Variants in DFFB observed in about 807,000 individuals in gnomAD.
The protein encoded by DFFB is DNA fragmentation factor 40 kDa subunit.
Under a neutral mutation model 32.7 loss-of-function variants are expected in DFFB, and 29 were observed. The ratio of observed to expected loss-of-function variants is 0.89; its 90% CI spans 0.66 to 1.21. The LOEUF (loss-of-function observed/expected upper bound fraction) is 1.21, where lower values mean the gene tolerates loss of function less well. Among genes scored for constraint, DFFB ranks in the 50% most tolerant of loss-of-function variants. The pLI, the probability that DFFB is intolerant of heterozygous loss-of-function variation, is 0.00. For synonymous variants in DFFB, 170 were observed against 177.1 expected, an observed-to-expected ratio of 0.96 and a Z score of 0.32; for missense variants, 398 against 440.6, an observed-to-expected ratio of 0.90 and a Z score of 0.87.
chr1:3,871,906 G>A (rs1179296494), intron 5 of DFFB, among the ~76,000 whole-genome samples: 1 of 152,122 alleles, frequency 6.6e-6, no homozygotes, highest in Non-Finnish European at 1.5e-5. Flanking sequence ...AGAGATTGAG[G>A]GGAGGGTGCT....
intron 6 of DFFB, among the ~76,000 whole-genome samples, chr1:3,875,356 G>A (rs962220673): frequency 6.6e-6 from 1 of 152,136 alleles, no homozygotes; most frequent in Admixed American, 6.6e-5. Context: ...TGGGGATTGG[G>A]GTGTGCGTCC....
chr1:3,879,446 G>A (rs894784162), intron 6 of DFFB, among the ~76,000 whole-genome samples: 4 of 152,146 alleles, frequency 2.6e-5, no homozygotes, highest in African/African-American at 9.7e-5. Context: ...ACTGCATCAG[G>A]CGATAAGGTC....
At chr1:3,876,810 G>A (rs6679297) in intron 6 of DFFB, among the ~76,000 whole-genome samples, 22,055 of 152,258 alleles carry the variant, frequency 0.14, 1,702 homozygotes, top group South Asian at 0.18. Context: ...CCTGCACAGA[G>A]AGCGTCCAGG....
chr1:3,870,040 TAGTC>T (rs761620882), intron 5 of DFFB, among the ~76,000 whole-genome samples: 1 of 152,194 alleles, frequency 6.6e-6, no homozygotes, highest in African/African-American at 2.4e-5. Context: ...GGCGGTGTCT[TAGTC>T]AGCCCCGGCT....
Position 3,872,987 on chromosome 1 carries a change from G to A in DFFB, c.782+415G>A, listed in dbSNP as rs769075922. 2.1e-5 allele frequency: 27 copies of A among 1,269,472 alleles called. No homozygotes were observed. The South Asian group carries it at 3.0e-4, about 14-fold the overall frequency. The allele number at this position is 1,269,472 out of a possible 1,614,324, so 78.6% of individuals were successfully genotyped here. A position where few individuals can be genotyped will look rare whatever the true frequency, so the allele number is the denominator to read the frequency against. ...TCCTGGTGTTATGATAGGTAAGGGTGTTTTTCCCTTTTTCTTTTTCTTTTA... is the reference window on the plus strand; with the variant it reads ...TCCTGGTGTTATGATAGGTAAGGGTATTTTTCCCTTTTTCTTTTTCTTTTA... On this transcript the variant is annotated intron_variant, in intron 6 of 6. Transcript: ENST00000378209.
intron 5 of DFFB, 27 bp downstream of exon 5, chr1:3,869,802 G>T: frequency 6.4e-7 from 1 of 1,570,344 alleles, no homozygotes; most frequent in Non-Finnish European, 8.7e-7. Flanking sequence ...TTATCCTGGG[G>T]CCACCCGGCT....
chr1:3,872,354 A>C (rs995187787), intron 5 of DFFB, 118 bp from the exon 6 acceptor site: 26 of 688,486 alleles, frequency 3.8e-5, no homozygotes, highest in Non-Finnish European at 6.2e-5. Flanking sequence ...CGGAGGTTGT[A>C]GTAAGCCGAG....
intron 6 of DFFB, among the ~76,000 whole-genome samples, chr1:3,878,976 G>A (rs139610901): frequency 1.6e-3 from 238 of 152,300 alleles, no homozygotes; most frequent in Non-Finnish European, 3.1e-3. Context: ...CCACTCTTGA[G>A]TAATTATTTA....
rs1188600648 is a variant in DFFB, at chr1:3,883,998, C to G, written c.*257C>G. On this transcript the variant is annotated 3_prime_UTR_variant, in exon 7 of 7. Transcript: ENST00000378209. ...CTGGAGTGTAGTGGCGCGATCTCGG[C>G]TCAGCCTCCCGAGTAGCTGGGATTA... is the stretch of plus-strand genomic sequence containing the variant. 2 of 450,750 alleles carry G rather than the reference C, an allele frequency of 4.4e-6. No homozygotes were observed. The highest frequency in any genetic ancestry group is 8.2e-5 in the East Asian group (2 of 24,352). 27.9% of individuals were successfully genotyped at this position (450,750 alleles called of 1,614,324 possible).
intron 6 of DFFB, among the ~76,000 whole-genome samples, chr1:3,881,285 C>T (rs1570947707): frequency 6.6e-6 from 1 of 152,254 alleles, no homozygotes; most frequent in Non-Finnish European, 1.5e-5. Context: ...CCAGGCCAAC[C>T]CCCGGAAGCC....
At chr1:3,870,595 A>G (rs1034018285) in intron 5 of DFFB, among the ~76,000 whole-genome samples, 5 of 152,208 alleles carry the variant, frequency 3.3e-5, no homozygotes, top group Admixed American at 3.3e-4. Context: ...CAAAAATGAA[A>G]AATCCTTCAT....
intron 2 of DFFB, among the ~76,000 whole-genome samples, chr1:3,864,389 T>C (rs1033934582): frequency 3.3e-5 from 5 of 152,228 alleles, no homozygotes; most frequent in Non-Finnish European, 7.3e-5. Flanking sequence ...ACCTTTCCAC[T>C]GCGCAGTTTC....
chr1:3,860,173 C>A (rs2124723799), intron 2 of DFFB, among the ~76,000 whole-genome samples: 1 of 152,320 alleles, frequency 6.6e-6, no homozygotes, highest in East Asian at 1.9e-4. Context: ...AGAAGTCCTC[C>A]TACTTTGGCT....
intron 4 of DFFB, 86 bp from the exon 5 acceptor site, chr1:3,869,519 G>A: frequency 7.2e-7 from 1 of 1,396,456 alleles, no homozygotes; most frequent in Non-Finnish European, 9.8e-7. Flanking sequence ...GGGTCTCAGA[G>A]GGCCATGGAG....
At chr1:3,873,036 C>A in intron 6 of DFFB, 1 of 1,239,472 alleles carries the variant, frequency 8.1e-7, no homozygotes, top group South Asian at 1.3e-5. Flanking sequence ...GCTCTGTGGC[C>A]CAGGCTAAAG....
intron 3 of DFFB, chr1:3,867,555 CAA>C: frequency 5.9e-6 from 1 of 168,960 alleles, no homozygotes; most frequent in Non-Finnish European, 1.3e-5. Context: ...GAATACTTCT[CAA>C]GATGATGCAA....
At chr1:3,858,355 C>T (rs980969549) in intron 1 of DFFB, among the ~76,000 whole-genome samples, 3 of 152,176 alleles carry the variant, frequency 2.0e-5, no homozygotes, top group African/African-American at 7.2e-5. Flanking sequence ...ACCGCTCTGG[C>T]GGCTGTGTGC....
At chr1:3,879,355 T>C (rs538123268) in intron 6 of DFFB, among the ~76,000 whole-genome samples, 1 of 152,320 alleles carries the variant, frequency 6.6e-6, no homozygotes, top group East Asian at 1.9e-4. Flanking sequence ...GCGTCTGGGC[T>C]GCTGTCTCAC....
rs1186850950 is a variant in DFFB at position 3,858,810 on chromosome 1, G to A, written c.207G>A (p.Leu69=). 1.9e-6 allele frequency: 3 copies of A among 1,614,096 alleles called. No homozygotes were observed. The East Asian group carries it at 6.7e-5, about 36-fold the overall frequency. Residue 69 remains leucine (L), a synonymous_variant, in exon 2 of 7, where the codon CTG becomes CTA. Transcript: ENST00000378209. ...CCAGTGTTCCCGACAACGCCGAGCT[G>A]GTGCTGCTCACCTTGGGCCAGGCCT... ...YFPSVPDNAE[L]VLLTLGQAWQ...
Sources: gnomAD v4.1 joint callset for allele counts (sites outside exome capture counted in the v4.1 genomes callset) on GRCh38, gnomAD v4.1.1 for gene constraint, MANE v1.5 for transcripts, NCBI Gene and HGNC (gene_info 2026-07-23, HGNC 2026-07-21) for gene names.